SMYD3: variants seen among roughly 807,000 people sequenced by gnomAD.
The protein encoded by SMYD3 is SET and MYND domain containing 3.
In SMYD3, 36 loss-of-function variants were observed where a neutral mutation model predicts 57.7. That is an observed-to-expected ratio of 0.62 (90% CI 0.48 to 0.82). The LOEUF is 0.82. Ranked by LOEUF, SMYD3 falls within the 40% of genes least tolerant of loss-of-function variation. The probability of loss-of-function intolerance (pLI) is 0.00; values close to 1 mark genes in which losing one functional copy is unlikely to be tolerated. For missense variants in SMYD3, 515 were observed against 538.8 expected, an observed-to-expected ratio of 0.96 and a Z score of 0.44; for synonymous variants, 211 against 195.0, an observed-to-expected ratio of 1.08 and a Z score of -0.68.
At chr1:246,262,627 C>T (rs1318011176) in intron 5 of SMYD3, among the ~76,000 whole-genome samples, 1 of 152,042 alleles carries the variant, frequency 6.6e-6, no homozygotes, top group African/African-American at 2.4e-5. Flanking sequence ...CTTGGCACAG[C>T]GTCTACCATT....
chr1:245,889,938 A>G lies in SMYD3; in HGVS notation c.813+25592T>C, dbSNP rs546145208. On this transcript the variant is annotated intron_variant, in intron 8 of 11. Coordinates refer to ENST00000490107, the MANE Select transcript of SMYD3 (RefSeq NM_001167740.2). Reference sequence around the variant, plus strand: ...AGAGAATCCAGAATTAAATCCATACATCTGCAGTGAACTCATTTTTGACAA... The same window carrying G: ...AGAGAATCCAGAATTAAATCCATACGTCTGCAGTGAACTCATTTTTGACAA... Among the ~76,000 whole-genome samples, 94 of 152,324 alleles carry G rather than the reference A, an allele frequency of 6.2e-4. 1 individual carries two copies. The highest frequency in any genetic ancestry group is 2.2e-3 in the African/African-American group (93 of 41,580).
At chr1:246,433,616 G>A (rs573325310) in intron 1 of SMYD3, among the ~76,000 whole-genome samples, 2 of 152,270 alleles carry the variant, frequency 1.3e-5, no homozygotes, top group East Asian at 3.9e-4. Context: ...AGCCAAGATC[G>A]TGCCACTGTA....
At chr1:246,450,255 C>T (rs1328955825) in intron 1 of SMYD3, among the ~76,000 whole-genome samples, 1 of 151,946 alleles carries the variant, frequency 6.6e-6, no homozygotes, top group Non-Finnish European at 1.5e-5. Context: ...CGCACCATTG[C>T]ACTCCAGCCT....
chr1:246,148,176 T>C (rs1201393601), intron 5 of SMYD3, among the ~76,000 whole-genome samples: 3 of 152,086 alleles, frequency 2.0e-5, no homozygotes, highest in Non-Finnish European at 4.4e-5. Flanking sequence ...TGGAGGACCA[T>C]GGGCCAATCG....
At chr1:246,045,006 T>C (rs1399478314) in intron 5 of SMYD3, among the ~76,000 whole-genome samples, 2 of 152,176 alleles carry the variant, frequency 1.3e-5, no homozygotes, top group Non-Finnish European at 2.9e-5. Flanking sequence ...GGAAGAGCAT[T>C]CCATGCTCAT....
At chr1:246,315,177 G>A (rs1363472053) in intron 5 of SMYD3, among the ~76,000 whole-genome samples, 2 of 152,136 alleles carry the variant, frequency 1.3e-5, no homozygotes, top group Non-Finnish European at 1.5e-5. Context: ...CCCTAAAGTT[G>A]TATAATTTTA....
intron 5 of SMYD3, among the ~76,000 whole-genome samples, chr1:246,100,454 G>A (rs2060989213): frequency 6.6e-6 from 1 of 152,096 alleles, no homozygotes; most frequent in African/African-American, 2.4e-5. Context: ...ACACCAACAG[G>A]CAATGCCTAT....
chr1:246,342,391 T>C (rs985783135), intron 2 of SMYD3, among the ~76,000 whole-genome samples: 44 of 152,288 alleles, frequency 2.9e-4, no homozygotes, highest in African/African-American at 1.0e-3. Flanking sequence ...TACATCCAGT[T>C]TGCTTGATAG....
intron 1 of SMYD3, among the ~76,000 whole-genome samples, chr1:246,396,109 G>A (rs2066667290): frequency 6.6e-6 from 1 of 152,058 alleles, no homozygotes; most frequent in Non-Finnish European, 1.5e-5. Flanking sequence ...TCATGTAAGG[G>A]GCCTTAGGAA....
intron 2 of SMYD3, among the ~76,000 whole-genome samples, chr1:246,354,414 A>G (rs2065878816): frequency 2.0e-5 from 3 of 152,208 alleles, no homozygotes; most frequent in South Asian, 2.1e-4. Context: ...AATCAATACA[A>G]TAAGAATTTA....
chr1:245,984,552 C>G (rs1433459816), intron 5 of SMYD3, among the ~76,000 whole-genome samples: 2 of 152,140 alleles, frequency 1.3e-5, no homozygotes, highest in Non-Finnish European at 2.9e-5. Flanking sequence ...CCAGAAGGCT[C>G]ATTGAAACAC....
chr1:246,499,086 C>A (rs934671067), intron 1 of SMYD3, among the ~76,000 whole-genome samples: 1 of 151,986 alleles, frequency 6.6e-6, no homozygotes, highest in Non-Finnish European at 1.5e-5. Flanking sequence ...TAAGCCACCA[C>A]TTGATTAAGC....
chr1:246,038,540 A>G (rs1041183084), intron 5 of SMYD3, among the ~76,000 whole-genome samples: 11 of 152,210 alleles, frequency 7.2e-5, no homozygotes, highest in African/African-American at 2.7e-4. Context: ...AGGCCACTGT[A>G]TTCTAGACGT....
At chr1:246,335,945 C>T (rs998297526) in intron 2 of SMYD3, among the ~76,000 whole-genome samples, 3 of 152,210 alleles carry the variant, frequency 2.0e-5, no homozygotes, top group Non-Finnish European at 4.4e-5. Context: ...AGGGCTAACA[C>T]ACCCCCAAAT....
intron 10 of SMYD3, among the ~76,000 whole-genome samples, chr1:245,823,208 T>C (rs2148347831): frequency 6.6e-6 from 1 of 152,352 alleles, no homozygotes; most frequent in South Asian, 2.1e-4. Context: ...TTAGAGGACC[T>C]GATTCATCTC....
chr1:246,370,491 G>A (rs1378317814), intron 1 of SMYD3, among the ~76,000 whole-genome samples: 3 of 152,274 alleles, frequency 2.0e-5, no homozygotes, highest in East Asian at 1.9e-4. Context: ...TACTAGGGGC[G>A]TACCCTTGTA....
intron 5 of SMYD3, among the ~76,000 whole-genome samples, chr1:246,290,753 C>T (rs189076941): frequency 4.6e-4 from 70 of 152,006 alleles, no homozygotes; most frequent in African/African-American, 1.7e-3. Context: ...TTTCTTTTAC[C>T]TTGCCCAGCT....
At chr1:246,436,516 A>G (rs1225122134) in intron 1 of SMYD3, among the ~76,000 whole-genome samples, 2 of 152,302 alleles carry the variant, frequency 1.3e-5, no homozygotes, top group South Asian at 4.1e-4. Context: ...ACAGTAATAC[A>G]TAGAAAGTAT....
chr1:245,788,895 G>GT (rs1326199385), intron 10 of SMYD3: 1 of 152,198 alleles, frequency 6.6e-6, no homozygotes, highest in African/African-American at 2.4e-5. Context: ...GTGCCAAGTG[G>GT]TGCCAGTGTG....
Sources: allele counts gnomAD v4.1 joint callset (sites outside exome capture counted in the v4.1 genomes callset), GRCh38; gene constraint gnomAD v4.1.1; transcripts MANE v1.5; gene names NCBI Gene and HGNC (gene_info 2026-07-23, HGNC 2026-07-21).